SPRED2: variants seen among roughly 807,000 people sequenced by gnomAD.
SPRED2 encodes the protein sprouty related EVH1 domain containing 2, also known as sprouty-related, EVH1 domain-containing protein 2.
In SPRED2, 47 loss-of-function variants were observed where a neutral mutation model predicts 43.0. The observed-to-expected ratio is 1.09, with a 90% CI of 0.87 to 1.40. The LOEUF (loss-of-function observed/expected upper bound fraction) is 1.40. Among genes scored for constraint, SPRED2 ranks in the 40% most tolerant of loss-of-function variants. The pLI is 0.00. For missense variants in SPRED2, 561 were observed against 586.4 expected (o/e 0.96, Z 0.45); for synonymous variants, 225 against 225.7 (o/e 1.00, Z 0.03).
At chr2:65,431,845 C>A in intron 1 of SPRED2, 117 bp downstream of exon 1, 1 of 1,252,616 alleles carries the variant, frequency 8.0e-7, no homozygotes, top group South Asian at 1.2e-5. Flanking sequence ...GAAAGGTCAG[C>A]GAGTCGCTGC....
intron 1 of SPRED2, among the ~76,000 whole-genome samples, chr2:65,347,256 C>A (rs1674378131): frequency 6.6e-6 from 1 of 152,074 alleles, no homozygotes; most frequent in Admixed American, 6.5e-5. Flanking sequence ...CCTGGCATGA[C>A]CCCAGTGGAG....
intron 1 of SPRED2, among the ~76,000 whole-genome samples, chr2:65,348,675 G>T: frequency 6.6e-6 from 1 of 151,360 alleles, no homozygotes; most frequent in East Asian, 2.0e-4. Context: ...TTGATGGTGG[G>T]CGCCTGTAAT....
intron 1 of SPRED2, among the ~76,000 whole-genome samples, chr2:65,387,239 A>C (rs1675523166): frequency 6.6e-6 from 1 of 152,168 alleles, no homozygotes; most frequent in Non-Finnish European, 1.5e-5. Flanking sequence ...TGCTGACCGG[A>C]ACAATCTCCT....
intron 1 of SPRED2, among the ~76,000 whole-genome samples, chr2:65,376,526 A>G (rs1265273085): frequency 6.6e-6 from 1 of 152,158 alleles, no homozygotes; most frequent in Non-Finnish European, 1.5e-5. Flanking sequence ...TACTCCCACC[A>G]TCCCATCTGC....
intron 1 of SPRED2, among the ~76,000 whole-genome samples, chr2:65,360,430 CA>C (rs1674780229): frequency 6.6e-6 from 1 of 152,240 alleles, no homozygotes. Flanking sequence ...TGTGTGTTCG[CA>C]TATAGCGAAT....
intron 2 of SPRED2, among the ~76,000 whole-genome samples, chr2:65,337,039 C>A (rs531942863): frequency 2.0e-5 from 3 of 152,066 alleles, no homozygotes; most frequent in African/African-American, 7.2e-5. Flanking sequence ...ACCCGGGAGG[C>A]GGAGCTTGCA....
chr2:65,364,150 A>G (rs1364177390), intron 1 of SPRED2, among the ~76,000 whole-genome samples: 1 of 152,220 alleles, frequency 6.6e-6, no homozygotes, highest in East Asian at 1.9e-4. Flanking sequence ...GAATAGCTCA[A>G]AGCTGCTTAT....
chr2:65,422,122 T>A (rs1292894971), intron 1 of SPRED2, among the ~76,000 whole-genome samples: 7 of 146,522 alleles, frequency 4.8e-5, no homozygotes, highest in South Asian at 2.1e-4. Context: ...TCTCTCTCTC[T>A]CTCTCTCTCT....
At chr2:65,361,789 T>C (rs879435943) in intron 1 of SPRED2, among the ~76,000 whole-genome samples, 3 of 152,206 alleles carry the variant, frequency 2.0e-5, no homozygotes, top group Non-Finnish European at 4.4e-5. Context: ...TGAGAACACA[T>C]GCCCACCCAC....
chr2:65,360,078 ACAAAAAAAAAC>A (rs1558668201), intron 1 of SPRED2, among the ~76,000 whole-genome samples: 7 of 93,420 alleles, frequency 7.5e-5, no homozygotes, highest in Admixed American at 1.4e-4. Flanking sequence ...AAAAAAAAAA[ACAAAAAAAAAC>A]AAAAAAAAAA....
intron 4 of SPRED2, among the ~76,000 whole-genome samples, chr2:65,324,213 C>T (rs754772295): frequency 9.2e-5 from 14 of 152,088 alleles, no homozygotes; most frequent in Non-Finnish European, 1.6e-4. Flanking sequence ...ACAGGCTGTA[C>T]TTATTTTGAG....
intron 1 of SPRED2, among the ~76,000 whole-genome samples, chr2:65,422,104 ACTCTCTCTCT>A (rs71398633): frequency 0.013 from 1,646 of 128,968 alleles, 5 homozygotes; most frequent in Non-Finnish European, 0.017. Flanking sequence ...ACACACACAC[ACTCTCTCTCT>A]CTCTCTCTCT....
At chr2:65,371,750 G>A (rs1431777790) in intron 1 of SPRED2, among the ~76,000 whole-genome samples, 1 of 150,898 alleles carries the variant, frequency 6.6e-6, no homozygotes, top group East Asian at 2.0e-4. Flanking sequence ...AAATGCATAT[G>A]GGCTATTATG....
intron 1 of SPRED2, among the ~76,000 whole-genome samples, chr2:65,423,058 T>C (rs774036782): frequency 3.3e-5 from 5 of 152,236 alleles, no homozygotes; most frequent in African/African-American, 7.2e-5. Context: ...TGTTGATAAA[T>C]TAAACCTCTA....
intron 1 of SPRED2, among the ~76,000 whole-genome samples, chr2:65,391,332 A>G: frequency 6.6e-6 from 1 of 152,152 alleles, no homozygotes; most frequent in East Asian, 1.9e-4. Context: ...AAGAATAAAC[A>G]AGAAAAACAA....
chr2:65,311,660 C>T lies in SPRED2; in HGVS notation c.*1841G>A. 1.0e-6 allele frequency: 1 copy of T among 985,682 alleles called. No homozygotes were observed. The highest frequency in any genetic ancestry group is 1.2e-6 in the Non-Finnish European group (1 of 829,948). The allele number at this position is 985,682 out of a possible 1,614,324, so 61.1% of individuals were successfully genotyped here. Reference sequence around the variant, plus strand: ...TGGATGAGGTTCTCTTTTCTTCCATCAATCCAGATGGACAGCTCTCTGCTC... The same window carrying T: ...TGGATGAGGTTCTCTTTTCTTCCATTAATCCAGATGGACAGCTCTCTGCTC... On this transcript the variant is annotated 3_prime_UTR_variant, in exon 6 of 6. Transcript: ENST00000356388.
At chr2:65,345,264 T>G (rs990044123) in intron 1 of SPRED2, among the ~76,000 whole-genome samples, 126 of 144,214 alleles carry the variant, frequency 8.7e-4, no homozygotes, top group African/African-American at 1.8e-3. Flanking sequence ...TTGTTGTTTT[T>G]TTTTTTTTTT....
rs1259129162 is a variant in SPRED2, at chr2:65,366,754, A to G, written c.27-21858T>C. 8.9e-6 allele frequency: 13 copies of G among 1,466,728 alleles called. No individual in the cohort carries two copies. The South Asian group carries it at 1.7e-4, about 19-fold the overall frequency. 90.9% of individuals were successfully genotyped at this position (1,466,728 alleles called of 1,614,324 possible). A position where few individuals can be genotyped will look rare whatever the true frequency, so the allele number is the denominator to read the frequency against. ...CCCCATATATGATTCAGTCTCCTTG[A>G]CAAATATACTGCATTGTACCGGATG... is the stretch of plus-strand genomic sequence containing the variant. On this transcript the variant is annotated intron_variant, in intron 1 of 5. Coordinates refer to ENST00000356388, the MANE Select transcript of SPRED2 (RefSeq NM_181784.3).
At chr2:65,327,093 C>T (rs1045428998) in intron 4 of SPRED2, among the ~76,000 whole-genome samples, 2 of 152,162 alleles carry the variant, frequency 1.3e-5, no homozygotes, top group African/African-American at 4.8e-5. Flanking sequence ...CTCAAGCAAT[C>T]CTCCTGCCTC....
Sources: allele counts gnomAD v4.1 joint callset (sites outside exome capture counted in the v4.1 genomes callset), GRCh38; gene constraint gnomAD v4.1.1; transcripts MANE v1.5; gene names NCBI Gene and HGNC (gene_info 2026-07-23, HGNC 2026-07-21).